Variants in NCAM1 observed in about 807,000 individuals in gnomAD.
NCAM1 encodes the protein antigen recognized by monoclonal antibody 5.1H11.
Under a neutral mutation model 109.8 loss-of-function variants are expected in NCAM1, and 14 were observed. The observed-to-expected ratio is 0.13, with a 90% CI of 0.08 to 0.20. The LOEUF is 0.20. Among genes scored for constraint, NCAM1 ranks in the 10% least tolerant of loss-of-function variants. The pLI, the probability that NCAM1 is intolerant of heterozygous loss-of-function variation, is 1.00. For synonymous variants in NCAM1, 418 were observed against 442.9 expected (o/e 0.94, Z 0.70); for missense variants, 774 against 1,109.9 (o/e 0.70, Z 4.30).
chr11:113,243,186 C>T (rs1324833923), intron 14 of NCAM1, among the ~76,000 whole-genome samples: 1 of 152,244 alleles, frequency 6.6e-6, no homozygotes, highest in South Asian at 2.1e-4. Context: ...GCTTTGCTGT[C>T]CCTCCTTCTG....
intron 1 of NCAM1, among the ~76,000 whole-genome samples, chr11:113,108,206 T>A (rs1555092930): frequency 6.6e-6 from 1 of 152,138 alleles, no homozygotes; most frequent in African/African-American, 2.4e-5. Context: ...AGCCTTAATA[T>A]TTTCATCTGT....
At chr11:113,011,091 T>G (rs1286813815) in intron 1 of NCAM1, among the ~76,000 whole-genome samples, 1 of 146,354 alleles carries the variant, frequency 6.8e-6, no homozygotes, top group Non-Finnish European at 1.5e-5. Flanking sequence ...TAGGTATATC[T>G]CCCAGTGCTA....
chr11:113,188,006 T>C (rs1943564938), intron 1 of NCAM1, among the ~76,000 whole-genome samples: 1 of 152,218 alleles, frequency 6.6e-6, no homozygotes, highest in Non-Finnish European at 1.5e-5. Flanking sequence ...AGCAGGAGTA[T>C]GTATTCATAT....
chr11:113,138,318 G>A (rs1941685064), intron 1 of NCAM1, among the ~76,000 whole-genome samples: 2 of 152,216 alleles, frequency 1.3e-5, no homozygotes, highest in African/African-American at 4.8e-5. Context: ...CCCAGCTGCT[G>A]TTCCCCGCAT....
At chr11:113,268,576 A>G (rs781838536) in intron 17 of NCAM1, among the ~76,000 whole-genome samples, 4 of 152,194 alleles carry the variant, frequency 2.6e-5, no homozygotes, top group Non-Finnish European at 4.4e-5. Flanking sequence ...CCCATTCCCC[A>G]AACTGAAGTT....
intron 1 of NCAM1, among the ~76,000 whole-genome samples, chr11:113,011,623 G>T (rs1377444385): frequency 2.0e-5 from 3 of 152,142 alleles, no homozygotes; most frequent in Admixed American, 2.0e-4. Flanking sequence ...CTCCAGCATT[G>T]GGGTAGGATT....
intron 14 of NCAM1, 35 bp downstream of exon 14, chr11:113,235,199 C>T (rs782099432): frequency 1.2e-6 from 2 of 1,613,592 alleles, no homozygotes. Flanking sequence ...TTTCCCAGCC[C>T]ACCTTCTTCT....
chr11:113,015,351 A>G (rs1398790441), intron 1 of NCAM1, among the ~76,000 whole-genome samples: 1 of 152,170 alleles, frequency 6.6e-6, no homozygotes, highest in African/African-American at 2.4e-5. Flanking sequence ...AGCTTTGGAC[A>G]TAGACCTGAT....
At chr11:113,169,062 G>GTC (rs1164102335) in intron 1 of NCAM1, among the ~76,000 whole-genome samples, 4 of 149,412 alleles carry the variant, frequency 2.7e-5, no homozygotes, top group Non-Finnish European at 4.5e-5. Flanking sequence ...GTGTGTGTGT[G>GTC]TGTGTGTGTC....
chr11:113,204,565 T>C (rs953522591), intron 3 of NCAM1, 61 bp downstream of exon 3: 7 of 1,512,842 alleles, frequency 4.6e-6, no homozygotes, highest in Non-Finnish European at 6.4e-6. Context: ...GACATGTGGG[T>C]AGTGGAAAGG....
intron 1 of NCAM1, among the ~76,000 whole-genome samples, chr11:112,981,151 T>G (rs1414064970): frequency 2.0e-5 from 3 of 151,856 alleles, no homozygotes; most frequent in African/African-American, 7.2e-5. Context: ...ATTGTCAATC[T>G]CTTCTCCTCA....
At chr11:113,234,249 C>T (rs1945095728) in intron 13 of NCAM1, among the ~76,000 whole-genome samples, 1 of 139,986 alleles carries the variant, frequency 7.1e-6, no homozygotes, top group Non-Finnish European at 1.5e-5. Context: ...CACTATCTGT[C>T]CACCCGACTT....
At chr11:113,094,307 G>T (rs1250634135) in intron 1 of NCAM1, among the ~76,000 whole-genome samples, 2 of 152,206 alleles carry the variant, frequency 1.3e-5, no homozygotes, top group African/African-American at 4.8e-5. Context: ...TTTGATCAGA[G>T]TTAGACGATA....
chr11:113,049,643 G>A (rs782204716), intron 1 of NCAM1, among the ~76,000 whole-genome samples: 6 of 152,136 alleles, frequency 3.9e-5, no homozygotes, highest in African/African-American at 7.2e-5. Context: ...GTTTCCTAGG[G>A]CTGCCCTGCC....
At chr11:113,111,262 CAATT>C (rs1188666770) in intron 1 of NCAM1, among the ~76,000 whole-genome samples, 36 of 152,148 alleles carry the variant, frequency 2.4e-4, no homozygotes, top group African/African-American at 8.7e-4. Flanking sequence ...TGGCCTGTCA[CAATT>C]AATTAAATTT....
At chr11:113,214,887 T>C (rs1438592073) in intron 8 of NCAM1, among the ~76,000 whole-genome samples, 1 of 152,124 alleles carries the variant, frequency 6.6e-6, no homozygotes, top group African/African-American at 2.4e-5. Flanking sequence ...CTAGGAAAGA[T>C]CTCCCAGAAA....
chr11:113,030,235 A>G (rs1952674107), intron 1 of NCAM1, among the ~76,000 whole-genome samples: 1 of 152,136 alleles, frequency 6.6e-6, no homozygotes. Flanking sequence ...ATAAACACTA[A>G]ACAAGTGCTT....
chr11:113,110,919 A>C (rs1275335890), intron 1 of NCAM1, among the ~76,000 whole-genome samples: 1 of 152,118 alleles, frequency 6.6e-6, no homozygotes, highest in Non-Finnish European at 1.5e-5. Context: ...AATAATATAC[A>C]CAATTCTAGT....
chr11:113,209,216 G>A (rs927346239), intron 7 of NCAM1, among the ~76,000 whole-genome samples: 3 of 152,184 alleles, frequency 2.0e-5, no homozygotes, highest in Admixed American at 6.5e-5. Flanking sequence ...TGGGAATCAG[G>A]GTTGGGACCT....
Sources: gnomAD v4.1 joint callset for allele counts (sites outside exome capture counted in the v4.1 genomes callset) on GRCh38, gnomAD v4.1.1 for gene constraint, MANE v1.5 for transcripts, NCBI Gene and HGNC (gene_info 2026-07-23, HGNC 2026-07-21) for gene names.